The following NPAS3 variants were observed in gnomAD, a reference collection of about 807,000 sequenced individuals.
NPAS3 encodes the protein neuronal PAS domain-containing protein 3.
Under a neutral mutation model 73.1 loss-of-function variants are expected in NPAS3, and 14 were observed. That is an observed-to-expected ratio of 0.19 (90% CI 0.13 to 0.30). NPAS3 has a LOEUF of 0.30. Among genes scored for constraint, NPAS3 ranks in the 10% least tolerant of loss-of-function variants. NPAS3 has a pLI of 1.00. For missense variants in NPAS3, 1,096 were observed against 1,250.0 expected, an observed-to-expected ratio of 0.88 and a Z score of 1.86; for synonymous variants, 620 against 541.5, an observed-to-expected ratio of 1.14 and a Z score of -2.01.
chr14:33,755,055 T>C (rs1434274083), intron 7 of NPAS3, among the ~76,000 whole-genome samples: 1 of 152,202 alleles, frequency 6.6e-6, no homozygotes, highest in Non-Finnish European at 1.5e-5. Flanking sequence ...ATGTAGGTTT[T>C]AGTCCTCGTT....
chr14:33,376,055 T>C (rs1164389099), intron 4 of NPAS3, among the ~76,000 whole-genome samples: 1 of 152,146 alleles, frequency 6.6e-6, no homozygotes, highest in East Asian at 1.9e-4. Flanking sequence ...ATCTCACTGG[T>C]CTTCAAATTA....
chr14:33,620,982 AG>A (rs2058061327), intron 5 of NPAS3, among the ~76,000 whole-genome samples: 1 of 152,170 alleles, frequency 6.6e-6, no homozygotes, highest in Non-Finnish European at 1.5e-5. Flanking sequence ...ATTAGTAAAA[AG>A]TTTGTACATG....
At chr14:33,790,272 A>C (rs778297120) in intron 9 of NPAS3, among the ~76,000 whole-genome samples, 1 of 152,240 alleles carries the variant, frequency 6.6e-6, no homozygotes, top group Non-Finnish European at 1.5e-5. Context: ...CCGCAAAAGG[A>C]ATTTTATGAA....
intron 2 of NPAS3, among the ~76,000 whole-genome samples, chr14:33,148,861 T>G (rs1422245212): frequency 6.6e-6 from 1 of 152,016 alleles, no homozygotes; most frequent in Non-Finnish European, 1.5e-5. Context: ...CTAATTTTAA[T>G]TTTTTGGTTG....
chr14:33,382,149 C>T (rs1338455020), intron 4 of NPAS3, among the ~76,000 whole-genome samples: 1 of 151,946 alleles, frequency 6.6e-6, no homozygotes, highest in East Asian at 1.9e-4. Flanking sequence ...AATGTCATGC[C>T]TAACATGAAA....
At chr14:33,042,554 T>C (rs1364421501) in intron 1 of NPAS3, among the ~76,000 whole-genome samples, 1 of 152,196 alleles carries the variant, frequency 6.6e-6, no homozygotes, top group Non-Finnish European at 1.5e-5. Context: ...TTGAGGCACA[T>C]TTCTTGCTCT....
chr14:33,005,624 A>C (rs181507316), intron 1 of NPAS3, among the ~76,000 whole-genome samples: 1 of 152,254 alleles, frequency 6.6e-6, no homozygotes, highest in African/African-American at 2.4e-5. Flanking sequence ...AAAATAGAGG[A>C]AACCCTTTAG....
chr14:32,955,619 A>G (rs1445993377), intron 1 of NPAS3, among the ~76,000 whole-genome samples: 1 of 152,158 alleles, frequency 6.6e-6, no homozygotes, highest in Non-Finnish European at 1.5e-5. Context: ...GTCTTTTTAC[A>G]TAAATTGTGA....
At chr14:33,251,460 T>C (rs2048581199) in intron 3 of NPAS3, among the ~76,000 whole-genome samples, 2 of 152,134 alleles carry the variant, frequency 1.3e-5, no homozygotes, top group Non-Finnish European at 2.9e-5. Context: ...GGTATGATTA[T>C]AGCCACTGTG....
intron 3 of NPAS3, among the ~76,000 whole-genome samples, chr14:33,295,282 T>C (rs1163444101): frequency 6.6e-6 from 1 of 152,196 alleles, no homozygotes; most frequent in Non-Finnish European, 1.5e-5. Flanking sequence ...CCGTAAGTAC[T>C]GATGAAGGGT....
At chr14:33,046,600 A>G (rs1278306805) in intron 1 of NPAS3, among the ~76,000 whole-genome samples, 1 of 152,176 alleles carries the variant, frequency 6.6e-6, no homozygotes, top group Admixed American at 6.5e-5. Context: ...ATGGAAGGGA[A>G]GAATCAAGGG....
intron 4 of NPAS3, among the ~76,000 whole-genome samples, chr14:33,553,452 G>A (rs1309187497): frequency 6.6e-6 from 1 of 152,184 alleles, no homozygotes; most frequent in African/African-American, 2.4e-5. Flanking sequence ...TTTACATGTT[G>A]TGGGAAACCC....
intron 3 of NPAS3, among the ~76,000 whole-genome samples, chr14:33,333,652 G>C (rs915140299): frequency 3.3e-5 from 5 of 152,044 alleles, no homozygotes; most frequent in Non-Finnish European, 7.4e-5. Flanking sequence ...TGCTCATTTG[G>C]GTGGATTGGT....
intron 1 of NPAS3, among the ~76,000 whole-genome samples, chr14:33,023,922 C>T (rs955990566): frequency 4.0e-5 from 6 of 151,848 alleles, no homozygotes; most frequent in African/African-American, 7.3e-5. Context: ...TACTGTATGT[C>T]GACCACTAAT....
intron 2 of NPAS3, among the ~76,000 whole-genome samples, chr14:33,068,012 G>T (rs1436186337): frequency 6.6e-6 from 1 of 152,044 alleles, no homozygotes; most frequent in African/African-American, 2.4e-5. Flanking sequence ...CTAGATTGTT[G>T]CAGTCTCCTA....
chr14:32,983,653 C>T (rs749245783), intron 1 of NPAS3, among the ~76,000 whole-genome samples: 4 of 151,970 alleles, frequency 2.6e-5, no homozygotes, highest in Non-Finnish European at 5.9e-5. Context: ...TCAATAATGG[C>T]TATATATTAG....
intron 3 of NPAS3, among the ~76,000 whole-genome samples, chr14:33,220,694 A>G (rs1415203216): frequency 6.6e-6 from 1 of 152,134 alleles, no homozygotes; most frequent in East Asian, 1.9e-4. Flanking sequence ...TTTTTCATGA[A>G]AAGCTTTGGT....
At chr14:33,622,003 G>A (rs913388607) in intron 5 of NPAS3, among the ~76,000 whole-genome samples, 7 of 152,110 alleles carry the variant, frequency 4.6e-5, no homozygotes, top group African/African-American at 1.7e-4. Context: ...TTTAAAATAG[G>A]TAAATTTTAA....
At chr14:33,097,177 A>C (rs2042446470) in intron 2 of NPAS3, among the ~76,000 whole-genome samples, 1 of 152,146 alleles carries the variant, frequency 6.6e-6, no homozygotes, top group Non-Finnish European at 1.5e-5. Flanking sequence ...CAGGAATTTG[A>C]GACCAGCCTG....
Sources: allele counts gnomAD v4.1 joint callset (sites outside exome capture counted in the v4.1 genomes callset), GRCh38; gene constraint gnomAD v4.1.1; transcripts MANE v1.5; gene names NCBI Gene and HGNC (gene_info 2026-07-23, HGNC 2026-07-21).